The following JMJD1C variants were observed in gnomAD, a reference collection of about 807,000 sequenced individuals.
JMJD1C encodes jumonji domain-containing protein 1C.
A neutral mutation model predicts 245.3 loss-of-function variants in JMJD1C; 31 were observed. The ratio of observed to expected loss-of-function variants is 0.13; its 90% CI spans 0.09 to 0.17. JMJD1C has a LOEUF of 0.17. JMJD1C is among the 10% of genes least tolerant of loss of function. The pLI is 1.00. For synonymous variants in JMJD1C, 1,057 were observed against 1,017.4 expected (o/e 1.04, Z -0.74); for missense variants, 2,691 against 3,000.2 (o/e 0.90, Z 2.41).
At chr10:63,389,329 G>GA (rs1192328633) in intron 1 of JMJD1C, among the ~76,000 whole-genome samples, 8 of 135,210 alleles carry the variant, frequency 5.9e-5, no homozygotes, top group East Asian at 4.2e-4. Context: ...AAAAAAAAAA[G>GA]AAAAAGAAAA....
chr10:63,200,849 G>GT (rs1422014778), intron 10 of JMJD1C, among the ~76,000 whole-genome samples, 172 bp from the exon 11 acceptor site: 1 of 152,148 alleles, frequency 6.6e-6, no homozygotes, highest in Admixed American at 6.5e-5. Flanking sequence ...GTGCAGCAGC[G>GT]TTTCTATTTA....
intron 2 of JMJD1C, among the ~76,000 whole-genome samples, chr10:63,295,983 G>A (rs1422857765): frequency 3.3e-4 from 12 of 36,896 alleles, no homozygotes; most frequent in African/African-American, 6.2e-4. Flanking sequence ...GTGTGTGTGT[G>A]TGTGTGTGTG....
intron 2 of JMJD1C, among the ~76,000 whole-genome samples, chr10:63,354,783 G>A (rs1371696787): frequency 6.6e-6 from 1 of 151,384 alleles, no homozygotes; most frequent in Non-Finnish European, 1.5e-5. Context: ...GGGAGGTTGG[G>A]GCAGGTGGAT....
chr10:63,292,761 C>G (rs1325817135), intron 2 of JMJD1C, among the ~76,000 whole-genome samples: 1 of 151,834 alleles, frequency 6.6e-6, no homozygotes, highest in African/African-American at 2.4e-5. Flanking sequence ...AAAACCACTT[C>G]CGGCTGGGTG....
intron 8 of JMJD1C, among the ~76,000 whole-genome samples, chr10:63,211,034 C>T (rs1279856480): frequency 3.3e-5 from 5 of 152,150 alleles, no homozygotes; most frequent in East Asian, 1.9e-4. Flanking sequence ...TCATTAAAGG[C>T]CAAAGGTCAT....
chr10:63,451,986 T>A (rs1234953811), intron 1 of JMJD1C, among the ~76,000 whole-genome samples: 1 of 152,114 alleles, frequency 6.6e-6, no homozygotes, highest in African/African-American at 2.4e-5. Flanking sequence ...TATAGAAGAC[T>A]TAGAAGCAAA....
chr10:63,207,238 A>C lies in JMJD1C; in HGVS notation c.4431T>G (p.Thr1477=). Residue 1477 remains threonine, a synonymous_variant, in exon 10 of 26, where the codon ACT becomes ACG. Coordinates refer to ENST00000399262, the MANE Select transcript of JMJD1C (RefSeq NM_032776.3). ...VQPSSGFSGT[T]DFIHLKKHKA... Reference sequence around the variant, plus strand: ...TGTGCTTTTTTAAATGGATAAAATCAGTTGTGCCTGAGAACCCAGAACTGG... The same window carrying C: ...TGTGCTTTTTTAAATGGATAAAATCCGTTGTGCCTGAGAACCCAGAACTGG... 6.2e-7 allele frequency: 1 copy of C among 1,614,146 alleles called. No individual in the cohort carries two copies. Among genetic ancestry groups the C allele is most frequent in the East Asian group, 2.2e-5 (1 of 44,888 alleles).
intron 2 of JMJD1C, among the ~76,000 whole-genome samples, chr10:63,341,068 T>A (rs1943332612): frequency 6.6e-6 from 1 of 152,122 alleles, no homozygotes; most frequent in South Asian, 2.1e-4. Context: ...AAAGAATGAA[T>A]CCAACAGTGT....
rs373900877 is a variant in JMJD1C, at chr10:63,206,901, T to A, written c.4768A>T (p.Thr1590Ser). The A allele has an allele frequency of 6.2e-7, 1 of 1,609,774 alleles. No homozygotes were observed. Among genetic ancestry groups the A allele is most frequent in the Admixed American group, 1.7e-5 (1 of 59,840 alleles). The change falls in exon 10 of 26, where the codon ACA becomes TCA. Residue 1590 changes from threonine (T) to serine (S), a missense_variant. Transcript: ENST00000399262. ...KPCSVNLIAS[T>S]SSDIQNSVDS... ...ACACTATTTTGTATATCACTAGATG[T>A]AGAGGCTATTAAGTTGACAGAACAT...
At chr10:63,266,843 G>A (rs767230940) in intron 2 of JMJD1C, among the ~76,000 whole-genome samples, 7 of 152,124 alleles carry the variant, frequency 4.6e-5, no homozygotes, top group Non-Finnish European at 7.4e-5. Context: ...TTTCCTATGA[G>A]ACCTAGTCAT....
At chr10:63,297,545 G>A (rs1859593790) in intron 2 of JMJD1C, among the ~76,000 whole-genome samples, 2 of 152,188 alleles carry the variant, frequency 1.3e-5, no homozygotes, top group African/African-American at 4.8e-5. Context: ...GAAAGGAGCT[G>A]TAACACATTC....
At chr10:63,235,468 G>C (rs1027818084) in intron 3 of JMJD1C, among the ~76,000 whole-genome samples, 2 of 152,134 alleles carry the variant, frequency 1.3e-5, no homozygotes, top group African/African-American at 4.8e-5. Flanking sequence ...TTGCACTCCA[G>C]CCTGGGCAGC....
intron 2 of JMJD1C, among the ~76,000 whole-genome samples, chr10:63,362,166 C>T (rs931350455): frequency 1.3e-5 from 2 of 149,448 alleles, no homozygotes; most frequent in Non-Finnish European, 3.0e-5. Flanking sequence ...ACCTGGGAGG[C>T]GGAGGCTACA....
At chr10:63,489,413 A>G (rs1564966401) in intron 1 of JMJD1C, 3 of 152,488 alleles carry the variant, frequency 2.0e-5, no homozygotes, top group Middle Eastern at 6.8e-3. Flanking sequence ...AAATAAATAA[A>G]TAAATAAATA....
At chr10:63,276,335 G>A (rs550970568) in intron 2 of JMJD1C, among the ~76,000 whole-genome samples, 4 of 151,860 alleles carry the variant, frequency 2.6e-5, no homozygotes, top group South Asian at 4.2e-4. Flanking sequence ...GCGGGGTGGC[G>A]GGTGCCTGTA....
At chr10:63,376,609 C>G (rs1158220028) in intron 2 of JMJD1C, among the ~76,000 whole-genome samples, 1 of 151,942 alleles carries the variant, frequency 6.6e-6, no homozygotes, top group Non-Finnish European at 1.5e-5. Context: ...CAAAAACAGG[C>G]AAAGAACTTT....
intron 3 of JMJD1C, among the ~76,000 whole-genome samples, chr10:63,225,128 A>G (rs1011532713): frequency 1.3e-5 from 2 of 152,140 alleles, no homozygotes; most frequent in East Asian, 3.9e-4. Context: ...GACAGTAACT[A>G]TAAGTAGTTA....
At chr10:63,203,471 GCCACC>G in intron 10 of JMJD1C, 1 of 985,056 alleles carries the variant, frequency 1.0e-6, no homozygotes, top group Middle Eastern at 5.2e-4. Context: ...TCTCTGATAT[GCCACC>G]CCCTTAAAAA....
intron 1 of JMJD1C, among the ~76,000 whole-genome samples, chr10:63,440,383 G>C (rs1027258169): frequency 6.7e-6 from 1 of 150,274 alleles, no homozygotes; most frequent in Non-Finnish European, 1.5e-5. Context: ...GAGAGAGAGA[G>C]AGAGAGCGCA....
Sources: gnomAD v4.1 joint callset for allele counts (sites outside exome capture counted in the v4.1 genomes callset) on GRCh38, gnomAD v4.1.1 for gene constraint, MANE v1.5 for transcripts, NCBI Gene and HGNC (gene_info 2026-07-23, HGNC 2026-07-21) for gene names.